Variants in TEX36 observed in about 807,000 individuals in gnomAD.
TEX36 encodes testis expressed 36.
Under a neutral mutation model 13.6 loss-of-function variants are expected in TEX36, and 12 were observed. The observed-to-expected ratio is 0.88, with a 90% CI of 0.56 to 1.43. TEX36 has a LOEUF of 1.43. Among genes scored for constraint, TEX36 ranks in the 40% most tolerant of loss-of-function variants. The probability of loss-of-function intolerance (pLI) is 0.00; values close to 1 mark genes in which losing one functional copy is unlikely to be tolerated. For missense variants in TEX36, 224 were observed against 228.3 expected (o/e 0.98, Z 0.12); for synonymous variants, 93 against 83.0 (o/e 1.12, Z -0.65).
intron 3 of TEX36, among the ~76,000 whole-genome samples, chr10:125,593,035 G>A (rs1444100729): frequency 1.3e-5 from 2 of 152,162 alleles, no homozygotes; most frequent in South Asian, 2.1e-4. Flanking sequence ...TTATGTAGGC[G>A]TGATGGATTA....
intron 3 of TEX36, among the ~76,000 whole-genome samples, chr10:125,643,745 C>CA (rs771307242): frequency 0.014 from 1,744 of 126,888 alleles, 13 homozygotes; most frequent in Middle Eastern, 0.04. Context: ...GACTCTGTCT[C>CA]AAAAAAAAAA....
chr10:125,609,236 T>C (rs552455878), intron 3 of TEX36, among the ~76,000 whole-genome samples: 1 of 152,154 alleles, frequency 6.6e-6, no homozygotes, highest in East Asian at 1.9e-4. Context: ...GAACATTCTC[T>C]GTGTGGAGTT....
chr10:125,610,393 C>T (rs1253666561), intron 3 of TEX36, among the ~76,000 whole-genome samples: 2 of 152,112 alleles, frequency 1.3e-5, no homozygotes, highest in African/African-American at 2.4e-5. Context: ...TATATCCTGC[C>T]GTTTTCAAAG....
At chr10:125,656,303 C>T in intron 3 of TEX36, 107 bp from the exon 4 acceptor site, 1 of 1,114,540 alleles carries the variant, frequency 9.0e-7, no homozygotes, top group Non-Finnish European at 1.2e-6. Flanking sequence ...GTCACCCAGG[C>T]CAGAGTTCAG....
intron 3 of TEX36, among the ~76,000 whole-genome samples, chr10:125,592,218 C>T (rs923656910): frequency 1.4e-4 from 21 of 152,110 alleles, no homozygotes; most frequent in Middle Eastern, 6.8e-3. Flanking sequence ...AGAAAACCTT[C>T]GGTAAAGACA....
chr10:125,585,433 G>T (rs1285192188), intron 3 of TEX36, among the ~76,000 whole-genome samples: 3 of 152,100 alleles, frequency 2.0e-5, no homozygotes, highest in African/African-American at 7.2e-5. Flanking sequence ...CAGAAGCAAG[G>T]TCTCTTCAAC....
chr10:125,583,616 G>A (rs1391354618), intron 3 of TEX36, among the ~76,000 whole-genome samples: 1 of 152,082 alleles, frequency 6.6e-6, no homozygotes, highest in East Asian at 1.9e-4. Context: ...AAATTGTAGA[G>A]GACACACTCA....
chr10:125,583,761 A>G (rs1271899008), intron 3 of TEX36, among the ~76,000 whole-genome samples: 1 of 152,244 alleles, frequency 6.6e-6, no homozygotes, highest in Non-Finnish European at 1.5e-5. Flanking sequence ...AGTGTTAGCC[A>G]TTATTATTGC....
chr10:125,590,283 A>T lies in TEX36; in HGVS notation c.265-13409T>A, dbSNP rs180902091. Among the ~76,000 whole-genome samples, 334 of 150,830 alleles carry T rather than the reference A, an allele frequency of 2.2e-3. 1 individual carries two copies. The highest frequency in any genetic ancestry group is 6.8e-3 in the Middle Eastern group (2 of 292). ...TGGCACCACACCCAGCTAATTTTTT[A>T]AAAAAAAAATTTTTGTAGAGAGAAG... is the stretch of plus-strand genomic sequence containing the variant. On this transcript the variant is annotated intron_variant, in intron 3 of 3. Coordinates refer to the TEX36 transcript ENST00000532135.
chr10:125,640,404 G>C (rs1054564577), intron 3 of TEX36, among the ~76,000 whole-genome samples: 3 of 152,198 alleles, frequency 2.0e-5, no homozygotes, highest in African/African-American at 7.2e-5. Flanking sequence ...ATTTCATAGA[G>C]CCGTAGTCAA....
intron 3 of TEX36, among the ~76,000 whole-genome samples, chr10:125,632,280 G>A (rs531258185): frequency 6.6e-6 from 1 of 152,218 alleles, no homozygotes; most frequent in African/African-American, 2.4e-5. Context: ...GACGTCCAGG[G>A]AGCAAGTCCA....
At chr10:125,603,345 G>T (rs1846173732) in intron 3 of TEX36, among the ~76,000 whole-genome samples, 1 of 152,118 alleles carries the variant, frequency 6.6e-6, no homozygotes, top group African/African-American at 2.4e-5. Context: ...CAGGGGTGGG[G>T]TGGGCAGGGC....
chr10:125,577,199 A>G (rs1023223723), intron 3 of TEX36, among the ~76,000 whole-genome samples: 1 of 152,190 alleles, frequency 6.6e-6, no homozygotes, highest in Non-Finnish European at 1.5e-5. Context: ...CTGCATGGAC[A>G]AAACAGTAAA....
At chr10:125,648,632 G>A (rs1846807728) in intron 3 of TEX36, among the ~76,000 whole-genome samples, 1 of 152,200 alleles carries the variant, frequency 6.6e-6, no homozygotes, top group Non-Finnish European at 1.5e-5. Flanking sequence ...GGCAGCAATG[G>A]AACAAAGCTG....
intron 3 of TEX36, among the ~76,000 whole-genome samples, chr10:125,639,879 G>A (rs1320111585): frequency 2.0e-5 from 3 of 152,188 alleles, no homozygotes; most frequent in Non-Finnish European, 4.4e-5. Flanking sequence ...AACTATAACG[G>A]CAGATGTTAG....
At chr10:125,665,772 T>C (rs1161719385) in intron 1 of TEX36, among the ~76,000 whole-genome samples, 2 of 152,242 alleles carry the variant, frequency 1.3e-5, no homozygotes, top group East Asian at 1.9e-4. Flanking sequence ...AGAGGTTGCA[T>C]TGAACCTGTA....
intron 3 of TEX36, among the ~76,000 whole-genome samples, chr10:125,590,876 AG>A (rs1299409365): frequency 2.0e-5 from 3 of 152,224 alleles, no homozygotes; most frequent in Admixed American, 6.5e-5. Context: ...TTATGCAAGC[AG>A]GAGTTACAAA....
chr10:125,641,689 C>G (rs1404776494), intron 3 of TEX36, among the ~76,000 whole-genome samples: 2 of 152,194 alleles, frequency 1.3e-5, no homozygotes, highest in African/African-American at 2.4e-5. Flanking sequence ...GCTGTTTATT[C>G]CTCTGTTCAG....
In TEX36 at chr10:125,661,864, T is replaced by G. The variant is rs1244736712; in HGVS notation, c.165A>C (p.Ile55=). ...GACTCACCTTCTCCCGGACTTTGTA[T>G]ATGGGCGGCAGCTTCCCCTCCGCTT... The part of the protein sequence containing the change: ...PRQAEGKLPP[I]YKVREKQAVN... Residue 55 remains isoleucine, a synonymous_variant, in exon 2 of 4, where the codon ATA becomes ATC. Transcript: ENST00000368821. The G allele has an allele frequency of 1.3e-6, 2 of 1,551,866 alleles. No individual in the cohort carries two copies. The highest frequency in any genetic ancestry group is 2.4e-5 in the South Asian group (2 of 84,064).
Sources: gnomAD v4.1 joint callset for allele counts (sites outside exome capture counted in the v4.1 genomes callset) on GRCh38, gnomAD v4.1.1 for gene constraint, MANE v1.5 for transcripts, NCBI Gene and HGNC (gene_info 2026-07-23, HGNC 2026-07-21) for gene names.